LRRC8A: variants seen among roughly 807,000 people sequenced by gnomAD.
The protein encoded by LRRC8A is volume-regulated anion channel subunit LRRC8A.
In LRRC8A, 24 loss-of-function variants were observed where a neutral mutation model predicts 52.5. The ratio of observed to expected loss-of-function variants is 0.46; its 90% confidence interval spans 0.33 to 0.64. LRRC8A has a LOEUF of 0.64. Ranked by LOEUF, LRRC8A falls within the 30% of genes least tolerant of loss-of-function variation. The probability of loss-of-function intolerance (pLI) is 0.02; values close to 1 mark genes in which losing one functional copy is unlikely to be tolerated. For missense variants in LRRC8A, 677 were observed against 1,094.7 expected (o/e 0.62, Z 5.38); for synonymous variants, 492 against 494.2 (o/e 1.00, Z 0.06).
intron 2 of LRRC8A, among the ~76,000 whole-genome samples, chr9:128,895,773 G>C (rs1057019562): frequency 6.6e-6 from 1 of 152,204 alleles, no homozygotes; most frequent in Non-Finnish European, 1.5e-5. Flanking sequence ...CGGTAACCTG[G>C]TAAGATGCAG....
rs1296995593 is a variant in LRRC8A at position 128,902,946 on chromosome 9, G to A, written c.-8-4211G>A. On this transcript the variant is annotated intron_variant, in intron 2 of 3. Coordinates refer to ENST00000372600, the MANE Select transcript of LRRC8A (RefSeq NM_019594.4). The surrounding 1 kb of genome is among the most constrained non-coding windows in gnomAD (Gnocchi z 4.1). ...TGAGCGCTGGTAATGCTGAGGGGCGGGGAAGCTGCACTCCCAGTCCTGTTT... is the reference window on the plus strand; with the variant it reads ...TGAGCGCTGGTAATGCTGAGGGGCGAGGAAGCTGCACTCCCAGTCCTGTTT... Among the ~76,000 whole-genome samples, 2 of 152,180 alleles carry A rather than the reference G, an allele frequency of 1.3e-5. No homozygotes were observed. Among genetic ancestry groups the A allele is most frequent in the Admixed American group, 1.3e-4 (2 of 15,288 alleles).
chr9:128,899,108 G>C lies in LRRC8A; in HGVS notation c.-8-8049G>C, dbSNP rs1296506816. On this transcript the variant is annotated intron_variant, in intron 2 of 3. Coordinates refer to ENST00000372600, the MANE Select transcript of LRRC8A (RefSeq NM_019594.4). This position sits in a 1 kb window ranked among gnomAD's most constrained non-coding sequence, Gnocchi z 4.0. The stretch of plus-strand genomic sequence containing the variant: ...AGGAGTCCAGGCTGGGCAGAGGCCT[G>C]GGCGCACCCACCCCTTGGCCCATTT... Among the ~76,000 whole-genome samples, 1 of 152,174 alleles carries C rather than the reference G, an allele frequency of 6.6e-6. No individual in the cohort carries two copies. The highest frequency in any genetic ancestry group is 1.9e-4 in the East Asian group (1 of 5,194).
rs894653902 is a variant in LRRC8A at position 128,908,962 on chromosome 9, C to G, written c.1798C>G (p.Arg600Gly). 1 of 1,614,030 alleles carries G rather than the reference C, an allele frequency of 6.2e-7. No homozygotes were observed. Among genetic ancestry groups the G allele is most frequent in the Non-Finnish European group, 8.5e-7 (1 of 1,180,030 alleles). The change falls in exon 3 of 4, where the codon CGC (arginine) becomes GGC (glycine). Residue 600 changes from arginine to glycine, a missense_variant. By Grantham distance (125) the Arg-to-Gly change is moderately radical (BLOSUM62 -2). Transcript: ENST00000372600. Reference sequence around the variant, plus strand: ...GAACCTGACTGAGCTGGAGCTGATCCGCTGTGACCTGGAGCGCATCCCCCA... The same window carrying G: ...GAACCTGACTGAGCTGGAGCTGATCGGCTGTGACCTGGAGCGCATCCCCCA... ...MANLTELELI[R>G]CDLERIPHSI...
Position 128,902,344 on chromosome 9 carries a change from G to T in LRRC8A, c.-8-4813G>T, listed in dbSNP as rs548869340. ...GCCTTGGGCAGGTGGTTTTGCCTCTGTGAGCCTCAGTTTCCCTCACCTGTG... is the reference window on the plus strand; with the variant it reads ...GCCTTGGGCAGGTGGTTTTGCCTCTTTGAGCCTCAGTTTCCCTCACCTGTG... On this transcript the variant is annotated intron_variant, in intron 2 of 3. Coordinates refer to ENST00000372600, the MANE Select transcript of LRRC8A (RefSeq NM_019594.4). The surrounding 1 kb of genome is among the most constrained non-coding windows in gnomAD (Gnocchi z 4.1). 3.9e-5 allele frequency among the ~76,000 whole-genome samples: 6 copies of T among 152,284 alleles called. No homozygotes were observed. Among genetic ancestry groups the T allele is most frequent in the African/African-American group, 1.4e-4 (6 of 41,576 alleles).
At chr9:128,887,505 G>A (rs955767796) in intron 2 of LRRC8A, among the ~76,000 whole-genome samples, 12 of 151,996 alleles carry the variant, frequency 7.9e-5, no homozygotes, top group African/African-American at 2.9e-4. Context: ...AGTCTCTGCT[G>A]ATTCTCATCT....
chr9:128,905,180 AAAAATTAT>A (rs769029405), intron 2 of LRRC8A, among the ~76,000 whole-genome samples: 4 of 152,188 alleles, frequency 2.6e-5, no homozygotes, highest in South Asian at 4.1e-4. Context: ...CTCTTACAAG[AAAAATTAT>A]AAAATTATAA....
At position 128,907,683 on chromosome 9, in the gene LRRC8A, G is replaced by A. The variant is rs547653717; in HGVS notation, c.519G>A (p.Leu173=). 1.2e-6 allele frequency: 2 copies of A among 1,613,968 alleles called. No individual in the cohort carries two copies. Among genetic ancestry groups the A allele is most frequent in the African/African-American group, 2.7e-5 (2 of 75,058 alleles). ...CFDSPWTTRA[L]SETVVEESDP... is the part of the protein sequence containing the mutation. ...ACTCGCCCTGGACCACGAGGGCCCT[G>A]TCGGAGACAGTGGTGGAGGAGAGCG... is the stretch of plus-strand genomic sequence containing the variant. Residue 173 remains leucine, a synonymous_variant, in exon 3 of 4, where the codon CTG becomes CTA. Coordinates refer to ENST00000372600, the MANE Select transcript of LRRC8A (RefSeq NM_019594.4). This position sits in a 1 kb window ranked among gnomAD's most constrained non-coding sequence, Gnocchi z 9.3.
intron 2 of LRRC8A, among the ~76,000 whole-genome samples, chr9:128,895,954 T>G (rs1041480216): frequency 3.3e-5 from 5 of 152,338 alleles, no homozygotes; most frequent in Non-Finnish European, 7.3e-5. Flanking sequence ...TTTGTCAGAC[T>G]TCAGTGTTTT....
intron 1 of LRRC8A, among the ~76,000 whole-genome samples, chr9:128,884,489 G>A (rs1457599481): frequency 6.6e-6 from 1 of 152,188 alleles, no homozygotes; most frequent in Admixed American, 6.5e-5. Context: ...CCTCCTGAGA[G>A]CTGCAGTCTG....
intron 2 of LRRC8A, among the ~76,000 whole-genome samples, chr9:128,888,990 T>A (rs1839503554): frequency 6.6e-6 from 1 of 152,096 alleles, no homozygotes; most frequent in Non-Finnish European, 1.5e-5. Context: ...CTGCACGCAT[T>A]TGCCCATCTT....
chr9:128,890,280 G>A (rs956990700), intron 2 of LRRC8A, among the ~76,000 whole-genome samples: 2 of 151,968 alleles, frequency 1.3e-5, no homozygotes, highest in African/African-American at 2.4e-5. Context: ...TTCCAGATGC[G>A]TTTCTGTTGC....
At chr9:128,912,922 T>C (rs887298885) in intron 3 of LRRC8A, 2 of 152,176 alleles carry the variant, frequency 1.3e-5, no homozygotes, top group African/African-American at 4.8e-5. Context: ...CTTTTTTTTG[T>C]GGATTGTTGA....
At position 128,902,294 on chromosome 9, in the gene LRRC8A, A is replaced by G. The variant is rs1184780472; in HGVS notation, c.-8-4863A>G. ...GGAGTTGGGGCGGGTGGTCAGAATC[A>G]GACCTGATTGGGACGGTGTTTCCTG... On this transcript the variant is annotated intron_variant, in intron 2 of 3. Coordinates refer to ENST00000372600, the MANE Select transcript of LRRC8A (RefSeq NM_019594.4). The surrounding 1 kb of genome is among the most constrained non-coding windows in gnomAD (Gnocchi z 4.1). 6.6e-6 allele frequency among the ~76,000 whole-genome samples: 1 copy of G among 152,066 alleles called. No individual in the cohort carries two copies.
At position 128,882,197 on chromosome 9, in the gene LRRC8A, G is replaced by T. The variant is rs1839054466; in HGVS notation, c.-169G>T. On this transcript the variant is annotated 5_prime_UTR_variant, in exon 1 of 4. Coordinates refer to ENST00000372600, the MANE Select transcript of LRRC8A (RefSeq NM_019594.4). ...GCAGCGCTGCGGCCGGCGGCGGGAC[G>T]GAGCGGCCGGGGCCTGGGGCTGCCT... The T allele has an allele frequency of 6.5e-6, 1 of 153,186 alleles. No individual in the cohort carries two copies. The highest frequency in any genetic ancestry group is 1.9e-4 in the South Asian group (1 of 5,320). The allele number at this position is 153,186 out of a possible 1,614,324, so 9.5% of individuals were successfully genotyped here.
chr9:128,884,838 C>G (rs1490695135), intron 1 of LRRC8A, among the ~76,000 whole-genome samples: 1 of 152,128 alleles, frequency 6.6e-6, no homozygotes, highest in African/African-American at 2.4e-5. Context: ...TGCCTAGTCA[C>G]CACCACCCCG....
At chr9:128,889,279 C>T (rs563325691) in intron 2 of LRRC8A, among the ~76,000 whole-genome samples, 1 of 152,206 alleles carries the variant, frequency 6.6e-6, no homozygotes, top group African/African-American at 2.4e-5. Flanking sequence ...CAGAGTCTGC[C>T]CTGGAAGGTT....
intron 2 of LRRC8A, among the ~76,000 whole-genome samples, chr9:128,905,283 CT>C (rs1229711600): frequency 6.6e-6 from 1 of 152,168 alleles, no homozygotes; most frequent in Non-Finnish European, 1.5e-5. Flanking sequence ...GCGGATTCTT[CT>C]TTTTTTGCTG....
intron 2 of LRRC8A, among the ~76,000 whole-genome samples, chr9:128,889,168 A>AT (rs1839509092): frequency 6.6e-6 from 1 of 151,858 alleles, no homozygotes; most frequent in African/African-American, 2.4e-5. Context: ...TTCACCCTCC[A>AT]TTACCCTCTT....
At chr9:128,904,867 G>A (rs1296926378) in intron 2 of LRRC8A, among the ~76,000 whole-genome samples, 2 of 151,884 alleles carry the variant, frequency 1.3e-5, no homozygotes, top group Non-Finnish European at 2.9e-5. Context: ...TGTGGTGGGC[G>A]GGTGCCTGTA....
Sources: gnomAD v4.1 joint callset for allele counts (sites outside exome capture counted in the v4.1 genomes callset) on GRCh38, gnomAD v4.1.1 for gene constraint, Gnocchi (gnomAD v3.1) non-coding constraint, MANE v1.5 for transcripts, NCBI Gene and HGNC (gene_info 2026-07-23, HGNC 2026-07-21) for gene names.